The following CEACAM1 variants were observed in gnomAD, a reference collection of about 807,000 sequenced individuals.
CEACAM1 encodes the protein cell adhesion molecule CEACAM1.
CEACAM1 carries 31 observed loss-of-function variants against 49.1 expected under a neutral mutation model. The observed-to-expected ratio is 0.63, with a 90% confidence interval of 0.47 to 0.85. CEACAM1 has a LOEUF of 0.85. Among genes scored for constraint, CEACAM1 ranks in the 40% least tolerant of loss-of-function variants. The pLI is 0.00. For missense variants in CEACAM1, 570 were observed against 645.3 expected (o/e 0.88, Z 1.26); for synonymous variants, 244 against 247.8 (o/e 0.98, Z 0.14).
rs952540714 is a variant in CEACAM1, at chr19:42,507,920, G to A, written c.*1189C>T. On this transcript the variant is annotated 3_prime_UTR_variant, in exon 9 of 9. Coordinates refer to ENST00000161559, the MANE Select transcript of CEACAM1 (RefSeq NM_001712.5). ...ACAGAAAATGCACAGGTGCAAACAT[G>A]GAATAGAATGGTAGTTGATGATTGG... 7 of 152,228 alleles carry A rather than the reference G, an allele frequency of 4.6e-5. No homozygotes were observed. 9.4% of individuals were successfully genotyped at this position (152,228 alleles called of 1,614,324 possible).
intron 4 of CEACAM1, 32 bp downstream of exon 4, chr19:42,521,235 A>T: frequency 1.2e-6 from 2 of 1,608,222 alleles, no homozygotes; most frequent in Non-Finnish European, 1.7e-6. Flanking sequence ...TGTACCCCAG[A>T]TCTTAGTGTT....
Position 42,527,364 on chromosome 19 carries a change from G to A in CEACAM1, c.101C>T (p.Ala34Val). 1.9e-6 allele frequency: 3 copies of A among 1,609,900 alleles called. No individual in the cohort carries two copies. Among genetic ancestry groups the A allele is most frequent in the African/African-American group, 1.3e-5 (1 of 74,944 alleles). ...LLTFWNPPTT[A>V]QLTTESMPFN... ...TGGCATGGATTCAGTAGTGAGCTGG[G>A]CAGTGGTGGGCGGGTTCCAGAAGGT... is the stretch of plus-strand genomic sequence containing the variant. Residue 34 changes from alanine to valine, a missense_variant, in exon 2 of 9, where the codon GCC becomes GTC. By Grantham distance (64) the Ala-to-Val change is moderately conservative (BLOSUM62 0). Coordinates refer to ENST00000161559, the MANE Select transcript of CEACAM1 (RefSeq NM_001712.5).
chr19:42,524,304 G>A lies in CEACAM1; in HGVS notation c.425-2102C>T, dbSNP rs1157445754. 2.0e-5 allele frequency among the ~76,000 whole-genome samples: 3 copies of A among 152,338 alleles called. No homozygotes were observed. In the South Asian group the frequency reaches 6.2e-4, roughly 32 times the overall value. On this transcript the variant is annotated intron_variant, in intron 2 of 8. Transcript: ENST00000161559. Reference sequence around the variant, plus strand: ...TGCCTGGCTAGCTCTACCTGGGGAAGGTCCCAGGAACCACTAGAGGATGTG... The same window carrying A: ...TGCCTGGCTAGCTCTACCTGGGGAAAGTCCCAGGAACCACTAGAGGATGTG...
intron 7 of CEACAM1, 197 bp downstream of exon 7, chr19:42,511,379 C>T (rs1235854575): frequency 1.6e-6 from 1 of 608,116 alleles, no homozygotes. Context: ...GTGAGCCTCT[C>T]TCCTCAGATG....
Position 42,509,041 on chromosome 19 carries a change from G to A in CEACAM1, c.*68C>T. 1 of 1,598,914 alleles carries A rather than the reference G, an allele frequency of 6.3e-7. No individual in the cohort carries two copies. On this transcript the variant is annotated 3_prime_UTR_variant, in exon 9 of 9. Coordinates refer to ENST00000161559, the MANE Select transcript of CEACAM1 (RefSeq NM_001712.5). Reference sequence around the variant, plus strand: ...ACCCCTCTACCCCTACAGGGGAAAGGAATCTCCTAGTGATGAGGGTGAGAG... The same window carrying A: ...ACCCCTCTACCCCTACAGGGGAAAGAAATCTCCTAGTGATGAGGGTGAGAG...
chr19:42,511,639 A>G lies in CEACAM1; in HGVS notation c.1377-11T>C. On this transcript the variant is annotated splice_polypyrimidine_tract_variant and intron_variant, in intron 6 of 8. Transcript: ENST00000161559. Reference sequence around the variant, plus strand: ...CGCTGGTCGCTTGCCCTAAATAAATATCAGAAACTGTGACTGCTATTCCCA... The same window carrying G: ...CGCTGGTCGCTTGCCCTAAATAAATGTCAGAAACTGTGACTGCTATTCCCA... 1 of 1,613,650 alleles carries G rather than the reference A, an allele frequency of 6.2e-7. No individual in the cohort carries two copies. The highest frequency in any genetic ancestry group is 8.5e-7 in the Non-Finnish European group (1 of 1,179,632).
chr19:42,514,090 A>G (rs2041538115), intron 5 of CEACAM1, among the ~76,000 whole-genome samples: 1 of 145,638 alleles, frequency 6.9e-6, no homozygotes, highest in Admixed American at 6.9e-5. Context: ...TCAGTAGCTG[A>G]GACTATAAGC....
intron 1 of CEACAM1, 88 bp downstream of exon 1, chr19:42,528,223 C>T (rs1474054588): frequency 8.8e-7 from 1 of 1,137,446 alleles, no homozygotes; most frequent in Admixed American, 2.2e-5. Context: ...GCCCTCTGTC[C>T]CCTCTTAGAG....
At chr19:42,523,790 A>G (rs2041819743) in intron 2 of CEACAM1, among the ~76,000 whole-genome samples, 1 of 152,338 alleles carries the variant, frequency 6.6e-6, no homozygotes, top group East Asian at 1.9e-4. Flanking sequence ...AGAGAGCGTG[A>G]TAAACTCTTA....
intron 2 of CEACAM1, among the ~76,000 whole-genome samples, 167 bp downstream of exon 2, chr19:42,526,874 T>C (rs184717191): frequency 2.0e-5 from 3 of 152,190 alleles, no homozygotes; most frequent in East Asian, 3.9e-4. Flanking sequence ...GAGTAAGACA[T>C]TCGGTATTTT....
chr19:42,510,510 G>A (rs535854047), intron 8 of CEACAM1, among the ~76,000 whole-genome samples: 1 of 152,372 alleles, frequency 6.6e-6, no homozygotes, highest in South Asian at 2.1e-4. Context: ...GAATGATTCA[G>A]TGCCTTCCTT....
intron 5 of CEACAM1, chr19:42,515,137 G>T: frequency 3.3e-6 from 2 of 606,148 alleles, no homozygotes; most frequent in South Asian, 3.9e-5. Flanking sequence ...TTAGCCAGAT[G>T]TGGTAGTATG....
Position 42,522,222 on chromosome 19 carries a change from A to G in CEACAM1, c.425-20T>C, listed in dbSNP as rs779351489. ...GCTCCGCTATGCAGAAAACAGAGAGAAGATTGCCCTGTGTGGCACCTTTGA... is the reference window on the plus strand; with the variant it reads ...GCTCCGCTATGCAGAAAACAGAGAGGAGATTGCCCTGTGTGGCACCTTTGA... On this transcript the variant is annotated intron_variant, in intron 2 of 8. Coordinates refer to ENST00000161559, the MANE Select transcript of CEACAM1 (RefSeq NM_001712.5). 2 of 1,613,892 alleles carry G rather than the reference A, an allele frequency of 1.2e-6. No homozygotes were observed. The highest frequency in any genetic ancestry group is 1.7e-6 in the Non-Finnish European group (2 of 1,179,782).
chr19:42,526,146 C>T lies in CEACAM1; in HGVS notation c.424+895G>A, dbSNP rs138342757. On this transcript the variant is annotated intron_variant, in intron 2 of 8. Transcript: ENST00000161559. ...AATTTTTTTGTATTTTTAGTAGAGACGGCATTTCACCATGTTGGTCAGGCT... is the reference window on the plus strand; with the variant it reads ...AATTTTTTTGTATTTTTAGTAGAGATGGCATTTCACCATGTTGGTCAGGCT... 1.8e-4 allele frequency among the ~76,000 whole-genome samples: 27 copies of T among 152,042 alleles called. No individual in the cohort carries two copies. In the East Asian group the frequency reaches 2.1e-3, roughly 12 times the overall value.
Position 42,521,964 on chromosome 19 carries a change from C to G in CEACAM1, c.663G>C (p.Val221=). The change falls in exon 3 of 9, where the codon GTG becomes GTC. Residue 221 remains valine, a synonymous_variant. Transcript: ENST00000161559. ...TGACTGGGTCACTGCGGTTCGCACTCACTGGGTTCTGTATTTCACACTCAT... is the reference window on the plus strand; with the variant it reads ...TGACTGGGTCACTGCGGTTCGCACTGACTGGGTTCTGTATTTCACACTCAT... ...GPYECEIQNP[V]SANRSDPVTL... is the part of the protein sequence containing the mutation. 6.2e-7 allele frequency: 1 copy of G among 1,614,242 alleles called. No homozygotes were observed. Among genetic ancestry groups the G allele is most frequent in the Non-Finnish European group, 8.5e-7 (1 of 1,180,048 alleles).
intron 5 of CEACAM1, among the ~76,000 whole-genome samples, chr19:42,515,551 G>A (rs2041579787): frequency 6.6e-6 from 1 of 152,036 alleles, no homozygotes; most frequent in Non-Finnish European, 1.5e-5. Flanking sequence ...GTGCTTGTCT[G>A]TAGTTTCAGC....
chr19:42,511,208 C>G lies in CEACAM1; in HGVS notation c.1430-288G>C, dbSNP rs1294202979. On this transcript the variant is annotated intron_variant, in intron 7 of 8. Coordinates refer to ENST00000161559, the MANE Select transcript of CEACAM1 (RefSeq NM_001712.5). ...AACATGCTCCAGTGGCAAGGAGGGG[C>G]ATTGAGACTTGTAGCACCCACAGCA... 4 of 573,706 alleles carry G rather than the reference C, an allele frequency of 7.0e-6. No individual in the cohort carries two copies. The African/African-American group carries it at 7.5e-5, about 11-fold the overall frequency. The allele number at this position is 573,706 out of a possible 1,614,324, so 35.5% of individuals were successfully genotyped here.
rs1436057665 is a variant in CEACAM1, at chr19:42,513,919, A to T, written c.1247-1440T>A. Among the ~76,000 whole-genome samples, 7 of 111,202 alleles carry T rather than the reference A, an allele frequency of 6.3e-5. No individual in the cohort carries two copies. The South Asian group carries it at 8.6e-4, about 14-fold the overall frequency. The allele number at this position is 111,202 out of a possible 152,430, so 73.0% of individuals were successfully genotyped here. A position where few individuals can be genotyped will look rare whatever the true frequency, so the allele number is the denominator to read the frequency against. On this transcript the variant is annotated intron_variant, in intron 5 of 8. Transcript: ENST00000161559. ...ATATATATATATATATATATATATA[A>T]TATATAAATAATACCTTTTGCATCT...
rs1192382410 is a variant in CEACAM1 at position 42,512,403 on chromosome 19, A to G, written c.1323T>C (p.Val441=). 6.2e-7 allele frequency: 1 copy of G among 1,614,194 alleles called. No individual in the cohort carries two copies. The highest frequency in any genetic ancestry group is 8.5e-7 in the Non-Finnish European group (1 of 1,179,994). Residue 441 remains valine (V), a synonymous_variant, in exon 6 of 9, where the codon GTT becomes GTC. Transcript: ENST00000161559. ...AGIVIGVVAL[V]ALIAVALACF... The stretch of plus-strand genomic sequence containing the variant: ...ATGCCAGGGCTACTGCTATCAGAGC[A>G]ACCAGGGCCACTACTCCAATCACAA...
Sources: gnomAD v4.1 joint callset for allele counts (sites outside exome capture counted in the v4.1 genomes callset) on GRCh38, gnomAD v4.1.1 for gene constraint, MANE v1.5 for transcripts, NCBI Gene and HGNC (gene_info 2026-07-23, HGNC 2026-07-21) for gene names.